TSR1: variants seen among roughly 807,000 people sequenced by gnomAD.
TSR1 encodes the protein pre-rRNA-processing protein TSR1 homolog.
Under a neutral mutation model 90.9 loss-of-function variants are expected in TSR1, and 81 were observed. The observed-to-expected ratio is 0.89, with a 90% CI of 0.74 to 1.07. The LOEUF (loss-of-function observed/expected upper bound fraction) is 1.07, where lower values mean the gene tolerates loss of function less well. Among genes scored for constraint, TSR1 ranks in the 50% least tolerant of loss-of-function variants. The probability of loss-of-function intolerance (pLI) is 0.00; values close to 1 mark genes in which losing one functional copy is unlikely to be tolerated. For synonymous variants in TSR1, 362 were observed against 348.8 expected (o/e 1.04, Z -0.42); for missense variants, 989 against 987.3 (o/e 1.00, Z -0.02).
chr17:2,329,009 A>C (rs1244744010), intron 11 of TSR1: 1 of 369,014 alleles, frequency 2.7e-6, no homozygotes, highest in East Asian at 5.4e-5. Context: ...TTCTAATGCC[A>C]CAAGTGTTGG....
At position 2,333,592 on chromosome 17, in the gene TSR1, G is replaced by A. The variant is rs1323018049; in HGVS notation, c.1106C>T (p.Thr369Ile). The A allele has an allele frequency of 6.2e-7, 1 of 1,614,112 alleles. No individual in the cohort carries two copies. Among genetic ancestry groups the A allele is most frequent in the South Asian group, 1.1e-5 (1 of 91,084 alleles). The change falls in exon 6 of 15, where the codon ACC (threonine) becomes ATC (isoleucine). Residue 369 changes from threonine to isoleucine, a missense_variant. Thr to Ile is a moderately conservative substitution (Grantham distance 89). Transcript: ENST00000301364. ...VIPDPMEGEQ[T>I]WPTEEELSEA... ...GCTCAGCTCCTCCTCAGTGGGCCAG[G>A]TTTGCTCTCCCTCCATTGGATCTGG...
intron 8 of TSR1, 86 bp from the exon 9 acceptor site, chr17:2,331,195 G>T: frequency 8.4e-7 from 1 of 1,190,648 alleles, no homozygotes; most frequent in Non-Finnish European, 1.1e-6. Flanking sequence ...TGGCTAAGGA[G>T]CTAGCTGAAA....
intron 11 of TSR1, among the ~76,000 whole-genome samples, chr17:2,326,282 C>T (rs568185279): frequency 6.6e-6 from 1 of 152,198 alleles, no homozygotes; most frequent in South Asian, 2.1e-4. Context: ...ACCATTAATA[C>T]TGCTTTCTTC....
At chr17:2,325,705 C>T (rs1170754614) in intron 11 of TSR1, among the ~76,000 whole-genome samples, 10 of 152,080 alleles carry the variant, frequency 6.6e-5, no homozygotes, top group East Asian at 1.9e-4. Context: ...CTCTGCCTCC[C>T]GGGTTCAAGC....
chr17:2,329,106 G>A (rs1414041322), intron 11 of TSR1: 5 of 744,450 alleles, frequency 6.7e-6, no homozygotes, highest in Admixed American at 5.2e-5. Flanking sequence ...ACCTGCTATG[G>A]AACAAATACT....
rs556542327 is a variant in TSR1, at chr17:2,323,044, T to C, written c.*1152A>G. On this transcript the variant is annotated 3_prime_UTR_variant, in exon 15 of 15. Coordinates refer to ENST00000301364, the MANE Select transcript of TSR1 (RefSeq NM_018128.5). ...GCTCCCAAAGTGTTGGGATTACAGG[T>C]GTGAGCCACCACACCAGGCCCATAT... is the stretch of plus-strand genomic sequence containing the variant. The C allele has an allele frequency of 1.5e-6, 2 of 1,335,320 alleles. No homozygotes were observed. Among genetic ancestry groups the C allele is most frequent in the East Asian group, 4.6e-5 (2 of 43,152 alleles). The allele number at this position is 1,335,320 out of a possible 1,614,324, so 82.7% of individuals were successfully genotyped here. A position where few individuals can be genotyped will look rare whatever the true frequency, so the allele number is the denominator to read the frequency against.
chr17:2,328,919 C>CAAAAAA (rs56003468), intron 11 of TSR1: 14 of 92,434 alleles, frequency 1.5e-4, no homozygotes, highest in East Asian at 2.9e-4. Context: ...GACTCCGTCT[C>CAAAAAA]AAAAAAAAAA....
chr17:2,330,306 T>G (rs751779344), intron 10 of TSR1: 1 of 692,932 alleles, frequency 1.4e-6, no homozygotes, highest in East Asian at 2.9e-5. Flanking sequence ...CACACAGAGA[T>G]TGCATCACTG....
chr17:2,335,533 C>G lies in TSR1; in HGVS notation c.399G>C (p.Trp133Cys). Reference sequence around the variant, plus strand: ...AACCTGGCCTTGCTGAGGTGAAAAACCACCGATGTTTCAAGCGGGGGCACA... The same window carrying G: ...AACCTGGCCTTGCTGAGGTGAAAAAGCACCGATGTTTCAAGCGGGGGCACA... ...MLLCPRLKHR[W>C]FFTSARPGDL... Residue 133 changes from tryptophan to cysteine, a missense_variant, in exon 3 of 15, where the codon TGG (tryptophan) becomes TGC (cysteine). Trp to Cys is a radical substitution (Grantham distance 215). Transcript: ENST00000301364. The G allele has an allele frequency of 4.3e-6, 7 of 1,613,852 alleles. No homozygotes were observed. Among genetic ancestry groups the G allele is most frequent in the Non-Finnish European group, 5.9e-6 (7 of 1,179,994 alleles).
chr17:2,336,380 A>G lies in TSR1; in HGVS notation c.48T>C (p.His16=), dbSNP rs962476481. The G allele has an allele frequency of 2.5e-6, 4 of 1,613,410 alleles. No homozygotes were observed. The highest frequency in any genetic ancestry group is 2.5e-6 in the Non-Finnish European group (3 of 1,180,034). Residue 16 remains histidine (H), a synonymous_variant, in exon 1 of 15, where the codon CAT becomes CAC. Transcript: ENST00000301364. The stretch of plus-strand genomic sequence containing the variant: ...CCCGACCCCGATGCCGTCCGCCTTT[A>G]TGAGCTTTATTCTGCTGCTTGAGCG... ...PGPLKQQNKA[H]KGGRHRGRGS...
At chr17:2,327,042 T>C (rs951074635) in intron 11 of TSR1, among the ~76,000 whole-genome samples, 6 of 150,996 alleles carry the variant, frequency 4.0e-5, no homozygotes, top group Admixed American at 1.3e-4. Flanking sequence ...GAGGCAGAGG[T>C]TGCAGTGAGC....
At chr17:2,328,241 CAAAAAAAAAAAAA>C (rs34888941) in intron 11 of TSR1, among the ~76,000 whole-genome samples, 3 of 72,354 alleles carry the variant, frequency 4.1e-5, no homozygotes, top group Admixed American at 3.2e-4. Context: ...GACTCGGTCT[CAAAAAAAAAAAAA>C]AAAAAAAAGA....
intron 4 of TSR1, 64 bp from the exon 5 acceptor site, chr17:2,334,960 T>G: frequency 6.6e-7 from 1 of 1,509,408 alleles, no homozygotes; most frequent in Non-Finnish European, 8.9e-7. Context: ...CCCTCTGCAG[T>G]TCACAAACAA....
rs368815579 is a variant in TSR1, at chr17:2,323,663, C to A, written c.*533G>T. 3.1e-6 allele frequency: 5 copies of A among 1,613,948 alleles called. No homozygotes were observed. In the African/African-American group the frequency reaches 5.3e-5, roughly 17 times the overall value. ...CCCTTCCATATCAACAGTGTGCAAC[C>A]CAGCTGGTGTGGGAGAGGATGAAAC... On this transcript the variant is annotated 3_prime_UTR_variant, in exon 15 of 15. Coordinates refer to ENST00000301364, the MANE Select transcript of TSR1 (RefSeq NM_018128.5).
rs866353672 is a variant in TSR1 at position 2,335,534 on chromosome 17, C to T, written c.398G>A (p.Trp133Ter). The T allele has an allele frequency of 6.2e-7, 1 of 1,613,620 alleles. No homozygotes were observed. The highest frequency in any genetic ancestry group is 1.3e-5 in the African/African-American group (1 of 74,784). Reference sequence around the variant, plus strand: ...ACCTGGCCTTGCTGAGGTGAAAAACCACCGATGTTTCAAGCGGGGGCACAG... The same window carrying T: ...ACCTGGCCTTGCTGAGGTGAAAAACTACCGATGTTTCAAGCGGGGGCACAG... ...MLLCPRLKHR[W>*]FFTSARPGDL... Residue 133 changes from tryptophan (W) to a stop codon, truncating the protein, a stop_gained, in exon 3 of 15, where the codon TGG becomes TAG. Transcript: ENST00000301364. LOFTEE classifies it high-confidence loss of function.
rs368354294 is a variant in TSR1 at position 2,336,043 on chromosome 17, C to T, written c.195G>A (p.Lys65=). 6.2e-7 allele frequency: 1 copy of T among 1,614,082 alleles called. No homozygotes were observed. Among genetic ancestry groups the T allele is most frequent in the African/African-American group, 1.3e-5 (1 of 74,946 alleles). The change falls in exon 2 of 15, where the codon AAG becomes AAA. Residue 65 remains lysine (K), a synonymous_variant. Coordinates refer to ENST00000301364, the MANE Select transcript of TSR1 (RefSeq NM_018128.5). ...HRASQLRKQK[K]EAVLAEKRQL... ...CAAATCCCGCTCCTCTCACCGCCTC[C>T]TTCTTCTGCTTTCGGAGCTGGCTGG...
chr17:2,330,260 C>T (rs1221748260), intron 10 of TSR1: 2 of 606,374 alleles, frequency 3.3e-6, no homozygotes, highest in Non-Finnish European at 6.3e-6. Context: ...TATTCAAAAT[C>T]TGGTCTGAAA....
chr17:2,335,115 A>G, intron 4 of TSR1, 145 bp downstream of exon 4: 1 of 1,084,642 alleles, frequency 9.2e-7, no homozygotes, highest in Non-Finnish European at 1.3e-6. Context: ...CCTGAGTGAT[A>G]ATCTGTAAAC....
At chr17:2,328,373 G>A (rs541454753) in intron 11 of TSR1, among the ~76,000 whole-genome samples, 1 of 151,296 alleles carries the variant, frequency 6.6e-6, no homozygotes, top group Non-Finnish European at 1.5e-5. Context: ...TGGTCTTGGT[G>A]AAACCCCATC....
Sources: allele counts gnomAD v4.1 joint callset (sites outside exome capture counted in the v4.1 genomes callset), GRCh38; gene constraint gnomAD v4.1.1; transcripts MANE v1.5; gene names NCBI Gene and HGNC (gene_info 2026-07-23, HGNC 2026-07-21).